The following RABGAP1 variants were observed in gnomAD, a reference collection of about 807,000 sequenced individuals.
The protein encoded by RABGAP1 is rab GTPase-activating protein 1.
A neutral mutation model predicts 137.6 loss-of-function variants in RABGAP1; 23 were observed. The observed-to-expected ratio is 0.17, with a 90% CI of 0.12 to 0.24. The LOEUF is 0.24. RABGAP1 is among the 10% of genes least tolerant of loss of function. The probability of loss-of-function intolerance (pLI) is 1.00; values close to 1 mark genes in which losing one functional copy is unlikely to be tolerated. For missense variants in RABGAP1, 906 were observed against 1,275.8 expected, an observed-to-expected ratio of 0.71 and a Z score of 4.42; for synonymous variants, 451 against 450.7, an observed-to-expected ratio of 1.00 and a Z score of -0.01.
intron 11 of RABGAP1, among the ~76,000 whole-genome samples, 171 bp downstream of exon 11, chr9:123,010,699 A>G (rs1339677015): frequency 6.6e-6 from 1 of 152,200 alleles, no homozygotes; most frequent in East Asian, 1.9e-4. Context: ...AATGATTAAC[A>G]TTGAGTTTTC....
chr9:123,027,004 C>T (rs1274457745), intron 13 of RABGAP1, among the ~76,000 whole-genome samples: 1 of 152,074 alleles, frequency 6.6e-6, no homozygotes, highest in Non-Finnish European at 1.5e-5. Context: ...GCATCATTTT[C>T]TCTAGTTTCA....
chr9:122,964,113 T>C (rs760633321), intron 2 of RABGAP1, among the ~76,000 whole-genome samples: 2 of 152,214 alleles, frequency 1.3e-5, no homozygotes, highest in Admixed American at 1.3e-4. Flanking sequence ...CTCAGGTGGC[T>C]ATACTGTTGA....
intron 9 of RABGAP1, 26 bp downstream of exon 9, chr9:122,997,387 AC>A: frequency 1.3e-6 from 2 of 1,525,778 alleles, no homozygotes; most frequent in Non-Finnish European, 1.8e-6. Context: ...GACATCATGA[AC>A]AGAAATTTTA....
At chr9:123,057,364 C>A in intron 13 of RABGAP1, among the ~76,000 whole-genome samples, 1 of 152,002 alleles carries the variant, frequency 6.6e-6, no homozygotes, top group Admixed American at 6.5e-5. Flanking sequence ...ACGCTCCTCA[C>A]CTCCCAGACG....
chr9:122,973,757 C>A (rs1835602538), intron 2 of RABGAP1, among the ~76,000 whole-genome samples: 1 of 151,986 alleles, frequency 6.6e-6, no homozygotes, highest in African/African-American at 2.4e-5. Flanking sequence ...CGCCTGTAAT[C>A]CCAGCACTTT....
At chr9:122,941,479 C>A (rs1833563908) in intron 1 of RABGAP1, among the ~76,000 whole-genome samples, 1 of 152,238 alleles carries the variant, frequency 6.6e-6, no homozygotes, top group Admixed American at 6.5e-5. Context: ...AGCCGCTCCC[C>A]CCCGCCTCAG....
chr9:123,007,373 CTTTT>C, intron 10 of RABGAP1, among the ~76,000 whole-genome samples: 1 of 112,746 alleles, frequency 8.9e-6, no homozygotes, highest in Non-Finnish European at 1.8e-5. Context: ...CTGAGCCTGG[CTTTT>C]TTTTTTTTTT....
intron 11 of RABGAP1, among the ~76,000 whole-genome samples, chr9:123,011,713 G>A (rs2030824629): frequency 6.6e-6 from 1 of 152,216 alleles, no homozygotes; most frequent in South Asian, 2.1e-4. Flanking sequence ...ATCCCAGCAT[G>A]GGAGGCTGAG....
intron 11 of RABGAP1, among the ~76,000 whole-genome samples, chr9:123,014,699 T>C (rs1455955395): frequency 2.0e-5 from 3 of 148,920 alleles, no homozygotes; most frequent in African/African-American, 7.4e-5. Flanking sequence ...TCTTGGTCTG[T>C]TGCCCATGCT....
chr9:123,000,656 A>G (rs1276965892), intron 10 of RABGAP1, among the ~76,000 whole-genome samples: 3 of 152,094 alleles, frequency 2.0e-5, no homozygotes, highest in Non-Finnish European at 4.4e-5. Flanking sequence ...CATCTGAGTC[A>G]TCATTTATAG....
chr9:123,056,109 G>A (rs939679331), intron 13 of RABGAP1, among the ~76,000 whole-genome samples: 1 of 152,180 alleles, frequency 6.6e-6, no homozygotes, highest in African/African-American at 2.4e-5. Context: ...TTAGTAAATG[G>A]TATTAGATAC....
chr9:122,947,806 A>G (rs1190444607), intron 1 of RABGAP1, among the ~76,000 whole-genome samples: 1 of 152,212 alleles, frequency 6.6e-6, no homozygotes, highest in Non-Finnish European at 1.5e-5. Flanking sequence ...TTAAATTATT[A>G]TGATTCTCTT....
intron 13 of RABGAP1, among the ~76,000 whole-genome samples, chr9:123,025,179 A>G (rs1473835271): frequency 6.6e-6 from 1 of 152,312 alleles, no homozygotes; most frequent in East Asian, 1.9e-4. Context: ...ACTCAGTAGA[A>G]CTACCATCTT....
chr9:123,100,205 A>T (rs2035299854), intron 24 of RABGAP1, among the ~76,000 whole-genome samples: 1 of 152,174 alleles, frequency 6.6e-6, no homozygotes, highest in Non-Finnish European at 1.5e-5. Context: ...TACCTGTATT[A>T]CAGAACTTGT....
intron 13 of RABGAP1, among the ~76,000 whole-genome samples, chr9:123,064,147 A>T (rs547529732): frequency 3.3e-5 from 5 of 152,190 alleles, no homozygotes; most frequent in Non-Finnish European, 7.4e-5. Context: ...TCCAACGCGG[A>T]GCTCTAATTC....
chr9:122,945,147 C>CTTTTTTTTTTT lies in RABGAP1; in HGVS notation c.-50+4060_-50+4070dup, dbSNP rs202090815. ...CACCATGTATACATCATAGCTGTTGCTTTTTTTTTTTTTTTTAGCATAAAC... is the reference window on the plus strand; with the variant it reads ...CACCATGTATACATCATAGCTGTTGCTTTTTTTTTTTTTTTTTTTTTTTTTTTAGCATAAAC... On this transcript the variant is annotated intron_variant, in intron 1 of 25. Transcript: ENST00000373647. Among the ~76,000 whole-genome samples the CTTTTTTTTTTT allele has an allele frequency of 1.7e-4, 13 of 75,822 alleles. 2 individuals are homozygous for CTTTTTTTTTTT. Among genetic ancestry groups the CTTTTTTTTTTT allele is most frequent in the African/African-American group, 3.6e-4 (9 of 24,732 alleles). The allele number at this position is 75,822 out of a possible 152,430, so 49.7% of individuals were successfully genotyped here.
At position 123,099,568 on chromosome 9, in the gene RABGAP1, T is replaced by G. The variant is rs758123031; in HGVS notation, c.2889+19T>G. On this transcript the variant is annotated intron_variant, in intron 24 of 25. Coordinates refer to ENST00000373647, the MANE Select transcript of RABGAP1 (RefSeq NM_012197.4). Reference sequence around the variant, plus strand: ...AATTCGGGTAAGACTTCTCTTTACCTAAAAGATTTTATACCACCTACTTCA... The same window carrying G: ...AATTCGGGTAAGACTTCTCTTTACCGAAAAGATTTTATACCACCTACTTCA... The G allele has an allele frequency of 1.3e-5, 21 of 1,573,710 alleles. No individual in the cohort carries two copies. The highest frequency in any genetic ancestry group is 2.2e-5 in the East Asian group (1 of 44,698).
intron 6 of RABGAP1, among the ~76,000 whole-genome samples, chr9:122,992,861 A>T (rs1215564923): frequency 1.3e-5 from 2 of 151,122 alleles, no homozygotes; most frequent in Admixed American, 1.3e-4. Flanking sequence ...ATTATACCTA[A>T]ATATATTAGG....
At chr9:122,995,244 T>A (rs1437006193) in intron 6 of RABGAP1, among the ~76,000 whole-genome samples, 1 of 152,258 alleles carries the variant, frequency 6.6e-6, no homozygotes, top group Non-Finnish European at 1.5e-5. Flanking sequence ...AGGGAAGTGT[T>A]GGACAACAGC....
Sources: allele counts gnomAD v4.1 joint callset (sites outside exome capture counted in the v4.1 genomes callset), GRCh38; gene constraint gnomAD v4.1.1; transcripts MANE v1.5; gene names NCBI Gene and HGNC (gene_info 2026-07-23, HGNC 2026-07-21).